PRKCD: variants seen among roughly 807,000 people sequenced by gnomAD.
PRKCD encodes protein kinase C delta.
Under a neutral mutation model 82.2 loss-of-function variants are expected in PRKCD, and 20 were observed. The ratio of observed to expected loss-of-function variants is 0.24; its 90% CI spans 0.17 to 0.35. PRKCD has a LOEUF of 0.35. Ranked by LOEUF, PRKCD falls within the 10% of genes least tolerant of loss-of-function variation. PRKCD has a pLI of 1.00. For missense variants in PRKCD, 607 were observed against 899.0 expected, an observed-to-expected ratio of 0.68 and a Z score of 4.15; for synonymous variants, 317 against 337.0, an observed-to-expected ratio of 0.94 and a Z score of 0.65.
chr3:53,172,151 G>T (rs1553665039), intron 2 of PRKCD, among the ~76,000 whole-genome samples: 1 of 152,128 alleles, frequency 6.6e-6, no homozygotes, highest in African/African-American at 2.4e-5. Context: ...GGCTGGGCAT[G>T]TGGAGGCTGG....
chr3:53,162,582 G>A (rs782490900), intron 1 of PRKCD, among the ~76,000 whole-genome samples: 16 of 152,062 alleles, frequency 1.1e-4, no homozygotes, highest in South Asian at 2.1e-4. Context: ...GTCCTTTTTC[G>A]CATGTGTGAC....
At chr3:53,186,403 C>A in intron 13 of PRKCD, 63 bp downstream of exon 13, 1 of 1,593,334 alleles carries the variant, frequency 6.3e-7, no homozygotes. Context: ...TCCTCAGCCC[C>A]CCTCAGTCAG....
At position 53,169,197 on chromosome 3, in the gene PRKCD, G is replaced by T. The variant is rs1702935710; in HGVS notation, c.-20+3982G>T. Among the ~76,000 whole-genome samples, 1 of 152,118 alleles carries T rather than the reference G, an allele frequency of 6.6e-6. No individual in the cohort carries two copies. Among genetic ancestry groups the T allele is most frequent in the Non-Finnish European group, 1.5e-5 (1 of 68,018 alleles). On this transcript the variant is annotated intron_variant, in intron 2 of 18. Coordinates refer to ENST00000330452, the MANE Select transcript of PRKCD (RefSeq NM_006254.4). The surrounding 1 kb of genome is among the most constrained non-coding windows in gnomAD (Gnocchi z 4.7). ...GATGAGGAGCGCTGGGAGGGGAACG[G>T]CGGGGGACTGGTGTGGGCAGGCTTG... is the stretch of plus-strand genomic sequence containing the variant.
chr3:53,179,399 G>A, intron 3 of PRKCD, 178 bp from the exon 4 acceptor site: 2 of 792,908 alleles, frequency 2.5e-6, no homozygotes, highest in Admixed American at 3.5e-5. Flanking sequence ...CAAAGGCCTG[G>A]AGGGAGGACC....
chr3:53,162,159 C>T (rs1173213015), intron 1 of PRKCD, among the ~76,000 whole-genome samples: 12 of 152,062 alleles, frequency 7.9e-5, no homozygotes, highest in Non-Finnish European at 1.6e-4. Context: ...CCCACCCCTC[C>T]GCCCCTCTGA....
Position 53,189,182 on chromosome 3 carries a change from T to C in PRKCD, c.1679T>C (p.Ile560Thr), listed in dbSNP as rs1459317190. 6.2e-7 allele frequency: 1 copy of C among 1,613,842 alleles called. No homozygotes were observed. The highest frequency in any genetic ancestry group is 8.5e-7 in the Non-Finnish European group (1 of 1,179,964). Reference protein sequence around the residue: ...GDDEDELFESIRVDTPHYPRW... With the variant: ...GDDEDELFESTRVDTPHYPRW... Reference sequence around the variant, plus strand: ...GATGAGGATGAACTCTTCGAGTCCATCCGTGTGGACACGCCACATTATCCC... The same window carrying C: ...GATGAGGATGAACTCTTCGAGTCCACCCGTGTGGACACGCCACATTATCCC... The change falls in exon 17 of 19, where the codon ATC becomes ACC. Residue 560 changes from isoleucine (I) to threonine (T), a missense_variant. By Grantham distance (89) the Ile-to-Thr change is moderately conservative. Around this residue, in one of 5 missense-constraint regions of PRKCD, gnomAD observed 251 missense variants for 423.9 expected, o/e 0.59. Coordinates refer to ENST00000330452, the MANE Select transcript of PRKCD (RefSeq NM_006254.4).
rs139103192 is a variant in PRKCD at position 53,171,489 on chromosome 3, G to A, written c.-20+6274G>A. Among the ~76,000 whole-genome samples the A allele has an allele frequency of 2.6e-5, 4 of 152,308 alleles. No individual in the cohort carries two copies. In the East Asian group the frequency reaches 7.7e-4, roughly 29 times the overall value. ...TCCCTGCAGCCTCCGTTCTCCTCCAGCCCCCCTCACTCCCTGCTACTCACT... is the reference window on the plus strand; with the variant it reads ...TCCCTGCAGCCTCCGTTCTCCTCCAACCCCCCTCACTCCCTGCTACTCACT... On this transcript the variant is annotated intron_variant, in intron 2 of 18. Transcript: ENST00000330452.
intron 8 of PRKCD, 73 bp from the exon 9 acceptor site, chr3:53,183,379 G>C: frequency 6.3e-7 from 1 of 1,599,552 alleles, no homozygotes; most frequent in South Asian, 1.1e-5. Context: ...CCCAGGGTTG[G>C]GGGAGAGCTA....
intron 2 of PRKCD, among the ~76,000 whole-genome samples, chr3:53,176,376 C>T (rs1703213783): frequency 1.3e-5 from 2 of 152,246 alleles, no homozygotes; most frequent in African/African-American, 4.8e-5. Context: ...GTGAGGTCAG[C>T]ATTTGCTGTG....
intron 3 of PRKCD, chr3:53,179,325 A>C: frequency 1.7e-6 from 1 of 592,466 alleles, no homozygotes. Flanking sequence ...ATGAATGCAT[A>C]AGGGCAGGCG....
intron 2 of PRKCD, among the ~76,000 whole-genome samples, chr3:53,177,483 C>T (rs1211814407): frequency 1.3e-5 from 2 of 152,122 alleles, no homozygotes; most frequent in Non-Finnish European, 2.9e-5. Context: ...GATTCTCTGC[C>T]TTAGGGTTTC....
At chr3:53,168,933 G>T (rs1389322535) in intron 2 of PRKCD, among the ~76,000 whole-genome samples, 1 of 151,890 alleles carries the variant, frequency 6.6e-6, no homozygotes, top group African/African-American at 2.4e-5. Flanking sequence ...TTGGGCAGGG[G>T]GTGACAAAAT....
chr3:53,184,402 G>A (rs1295872851), intron 9 of PRKCD, among the ~76,000 whole-genome samples: 9 of 151,998 alleles, frequency 5.9e-5, no homozygotes, highest in Admixed American at 1.3e-4. Flanking sequence ...TTGGCCGGGC[G>A]TGGTGGCTCA....
chr3:53,161,393 C>T lies in PRKCD; in HGVS notation c.-167C>T, dbSNP rs1318259101. The T allele has an allele frequency of 6.6e-6, 1 of 151,396 alleles. No individual in the cohort carries two copies. Among genetic ancestry groups the T allele is most frequent in the East Asian group, 2.0e-4 (1 of 5,116 alleles). The allele number at this position is 151,396 out of a possible 1,614,324, so 9.4% of individuals were successfully genotyped here. On this transcript the variant is annotated 5_prime_UTR_variant, in exon 1 of 19. Transcript: ENST00000330452. Reference sequence around the variant, plus strand: ...CGGGGAGCGGCGCCCCCGCCGCTGCCGCCGCGACCCTTGGCGCCTGCCCCT... The same window carrying T: ...CGGGGAGCGGCGCCCCCGCCGCTGCTGCCGCGACCCTTGGCGCCTGCCCCT...
intron 2 of PRKCD, among the ~76,000 whole-genome samples, chr3:53,173,899 A>C (rs541125967): frequency 6.6e-6 from 1 of 152,050 alleles, no homozygotes; most frequent in African/African-American, 2.4e-5. Context: ...CTCTGTCTTC[A>C]TGTGTGTTTG....
intron 2 of PRKCD, 92 bp from the exon 3 acceptor site, chr3:53,178,312 A>C: frequency 4.1e-6 from 3 of 727,230 alleles, no homozygotes; most frequent in Non-Finnish European, 6.8e-6. Context: ...CAATCATAGC[A>C]GAGCCCTGGG....
At position 53,188,845 on chromosome 3, in the gene PRKCD, A is replaced by G; in HGVS notation, c.1541A>G (p.Tyr514Cys). The G allele has an allele frequency of 1.2e-6, 2 of 1,614,056 alleles. No individual in the cohort carries two copies. The highest frequency in any genetic ancestry group is 1.7e-6 in the Non-Finnish European group (2 of 1,180,016). Residue 514 changes from tyrosine (Y) to cysteine (C), a missense_variant, in exon 16 of 19, where the codon TAT (tyrosine) becomes TGT (cysteine). Tyr to Cys is a radical substitution (Grantham distance 194, BLOSUM62 -2). Around this residue, in one of 5 missense-constraint regions of PRKCD, gnomAD observed 251 missense variants for 423.9 expected, o/e 0.59. Coordinates refer to ENST00000330452, the MANE Select transcript of PRKCD (RefSeq NM_006254.4). ...RASTFCGTPD[Y>C]IAPEILQGLK... ...AGCACCTTCTGCGGCACCCCTGACT[A>G]TATCGCCCCTGAGGTGAGCCGATAC...
chr3:53,184,422 TC>T (rs1431568131), intron 9 of PRKCD, among the ~76,000 whole-genome samples: 2 of 151,798 alleles, frequency 1.3e-5, no homozygotes, highest in Non-Finnish European at 1.5e-5. Context: ...ACACCTGTAA[TC>T]CCAGCACTTT....
chr3:53,186,253 G>A lies in PRKCD; in HGVS notation c.1173G>A (p.Val391=). 6.2e-7 allele frequency: 1 copy of A among 1,614,198 alleles called. No homozygotes were observed. Among genetic ancestry groups the A allele is most frequent in the African/African-American group, 1.3e-5 (1 of 75,050 alleles). ...ATGTGGTCCTGATCGACGACGACGT[G>A]GAGTGCACCATGGTTGAGAAGCGGG... ...KKDVVLIDDD[V]ECTMVEKRVL... is the part of the protein sequence containing the mutation. The change falls in exon 13 of 19, where the codon GTG becomes GTA. Residue 391 remains valine, a synonymous_variant. Transcript: ENST00000330452.
Sources: allele counts gnomAD v4.1 joint callset (sites outside exome capture counted in the v4.1 genomes callset), GRCh38; gene constraint gnomAD v4.1.1; regional missense constraint gnomAD v4.1.1; non-coding constraint Gnocchi (gnomAD v3.1); transcripts MANE v1.5; gene names NCBI Gene and HGNC (gene_info 2026-07-23, HGNC 2026-07-21).